Variants in PARD3B observed in about 807,000 individuals in gnomAD.
PARD3B encodes the protein partitioning defective 3 homolog B.
In PARD3B, 103 loss-of-function variants were observed where a neutral mutation model predicts 130.2. That is an observed-to-expected ratio of 0.79 (90% CI 0.67 to 0.93). The LOEUF (loss-of-function observed/expected upper bound fraction) is 0.93. PARD3B is among the 40% of genes least tolerant of loss of function. The probability of loss-of-function intolerance (pLI) is 0.00; values close to 1 mark genes in which losing one functional copy is unlikely to be tolerated. For missense variants in PARD3B, 1,609 were observed against 1,499.2 expected (o/e 1.07, Z -1.21); for synonymous variants, 583 against 553.2 (o/e 1.05, Z -0.76).
chr2:205,568,067 A>G lies in PARD3B; in HGVS notation c.3260+14664A>G, dbSNP rs2053425300. 6.6e-6 allele frequency among the ~76,000 whole-genome samples: 1 copy of G among 152,188 alleles called. No homozygotes were observed. Among genetic ancestry groups the G allele is most frequent in the South Asian group, 2.1e-4 (1 of 4,834 alleles). ...CTTCTTCCTGTCCAGTGCACTGGTA[A>G]CAGAAGCCTCAAGCCAGGCAGCACA... On this transcript the variant is annotated intron_variant, in intron 22 of 22. Transcript: ENST00000406610. This position sits in a 1 kb window ranked among gnomAD's most constrained non-coding sequence, Gnocchi z 5.3.
chr2:204,630,462 T>G (rs893901787), intron 1 of PARD3B, among the ~76,000 whole-genome samples: 1 of 152,204 alleles, frequency 6.6e-6, no homozygotes, highest in Admixed American at 6.5e-5. Flanking sequence ...AACATCTCTA[T>G]CCATCTCATC....
rs941777715 is a variant in PARD3B at position 205,041,703 on chromosome 2, A to G, written c.395-5878A>G. On this transcript the variant is annotated intron_variant, in intron 3 of 22. Coordinates refer to ENST00000406610, the MANE Select transcript of PARD3B (RefSeq NM_001302769.2). ...TTGGTGACAAGCTGGCCTTCTGGTT[A>G]TGCTCAGGAGAATCATTAACCATCT... Among the ~76,000 whole-genome samples, 13 of 152,048 alleles carry G rather than the reference A, an allele frequency of 8.5e-5. 1 individual carries two copies. The highest frequency in any genetic ancestry group is 3.1e-4 in the African/African-American group (13 of 41,390).
intron 1 of PARD3B, among the ~76,000 whole-genome samples, chr2:204,618,395 T>C (rs2034185365): frequency 6.6e-6 from 1 of 152,136 alleles, no homozygotes; most frequent in Admixed American, 6.6e-5. Context: ...TCTACATGTA[T>C]AAAATTATAT....
chr2:204,600,339 T>C (rs961196030), intron 1 of PARD3B, among the ~76,000 whole-genome samples: 2 of 151,874 alleles, frequency 1.3e-5, no homozygotes, highest in African/African-American at 2.4e-5. Context: ...CCATTTTGAG[T>C]TGATTTTTGT....
At chr2:204,615,039 T>C (rs1188665144) in intron 1 of PARD3B, among the ~76,000 whole-genome samples, 1 of 152,214 alleles carries the variant, frequency 6.6e-6, no homozygotes, top group African/African-American at 2.4e-5. Context: ...TTTTACATTT[T>C]TGCAGATCTT....
intron 7 of PARD3B, among the ~76,000 whole-genome samples, chr2:205,119,783 A>AAAATAAAT (rs912372021): frequency 2.6e-5 from 4 of 152,162 alleles, no homozygotes; most frequent in Non-Finnish European, 5.9e-5. Context: ...CTCCGTCTTC[A>AAAATAAAT]AAATAAATAA....
At chr2:204,932,023 C>G (rs1167932030) in intron 2 of PARD3B, among the ~76,000 whole-genome samples, 1 of 152,064 alleles carries the variant, frequency 6.6e-6, no homozygotes, top group Admixed American at 6.6e-5. Context: ...TTTACCATCC[C>G]TTTGTCTACA....
At chr2:205,186,535 T>A (rs2036110670) in intron 14 of PARD3B, among the ~76,000 whole-genome samples, 1 of 152,206 alleles carries the variant, frequency 6.6e-6, no homozygotes, top group Non-Finnish European at 1.5e-5. Flanking sequence ...AACTGTGTAT[T>A]TTATTCCATT....
chr2:204,745,591 T>C (rs1452703317), intron 2 of PARD3B, among the ~76,000 whole-genome samples: 1 of 151,886 alleles, frequency 6.6e-6, no homozygotes, highest in African/African-American at 2.4e-5. Flanking sequence ...TTAGTAGAGA[T>C]GAGGTTTCAC....
chr2:204,574,550 A>G (rs1476646924), intron 1 of PARD3B, among the ~76,000 whole-genome samples: 1 of 152,164 alleles, frequency 6.6e-6, no homozygotes, highest in Admixed American at 6.5e-5. Context: ...CGTGTTTGTC[A>G]TTTGTGTGGG....
rs141777494 is a variant in PARD3B, at chr2:205,241,805, A to G, written c.2141-3973A>G. On this transcript the variant is annotated intron_variant, in intron 15 of 22. Transcript: ENST00000406610. This position sits in a 1 kb window ranked among gnomAD's most constrained non-coding sequence, Gnocchi z 4.2. The stretch of plus-strand genomic sequence containing the variant: ...TGACACACCTGTCACATTTCATATC[A>G]CTACCATTCCAATCACTGTGCTAAA... 7.4e-3 allele frequency among the ~76,000 whole-genome samples: 1,122 copies of G among 152,278 alleles called. 17 individuals carry two copies. The highest frequency in any genetic ancestry group is 0.025 in the African/African-American group (1,052 of 41,564).
chr2:205,450,696 G>A (rs951698699), intron 20 of PARD3B, among the ~76,000 whole-genome samples: 4 of 151,816 alleles, frequency 2.6e-5, no homozygotes, highest in Admixed American at 6.6e-5. Flanking sequence ...GGCTGGTCTC[G>A]AACTCCTGAC....
intron 18 of PARD3B, among the ~76,000 whole-genome samples, chr2:205,333,723 A>G (rs1412761724): frequency 6.6e-6 from 1 of 152,204 alleles, no homozygotes; most frequent in African/African-American, 2.4e-5. Flanking sequence ...GAGAAGAAGA[A>G]ACCCAGATAC....
intron 2 of PARD3B, among the ~76,000 whole-genome samples, chr2:204,961,911 TA>T: frequency 6.6e-6 from 1 of 152,158 alleles, no homozygotes; most frequent in Admixed American, 6.5e-5. Context: ...GTGGCTTCAT[TA>T]AAGAATGGGA....
At chr2:204,654,427 T>C (rs2035580479) in intron 1 of PARD3B, among the ~76,000 whole-genome samples, 1 of 148,058 alleles carries the variant, frequency 6.8e-6, no homozygotes, top group African/African-American at 2.7e-5. Context: ...TTGAGTATCA[T>C]CACAGATAAC....
chr2:205,552,849 A>G (rs1463234579), intron 21 of PARD3B, among the ~76,000 whole-genome samples: 1 of 152,188 alleles, frequency 6.6e-6, no homozygotes, highest in Non-Finnish European at 1.5e-5. Context: ...TAAACTATAG[A>G]CTTTAGTTAA....
intron 1 of PARD3B, among the ~76,000 whole-genome samples, chr2:204,641,977 G>T (rs1305671364): frequency 6.6e-6 from 1 of 152,114 alleles, no homozygotes; most frequent in Non-Finnish European, 1.5e-5. Flanking sequence ...ATATTGAAAG[G>T]GAAGAAGGAA....
intron 2 of PARD3B, among the ~76,000 whole-genome samples, chr2:204,865,079 C>G (rs2045354307): frequency 6.6e-6 from 1 of 152,050 alleles, no homozygotes; most frequent in Admixed American, 6.6e-5. Flanking sequence ...GATATGATAT[C>G]ACACCACCTC....
chr2:205,368,062 G>C (rs1272660392), intron 18 of PARD3B, among the ~76,000 whole-genome samples: 1 of 152,174 alleles, frequency 6.6e-6, no homozygotes, highest in Non-Finnish European at 1.5e-5. Flanking sequence ...AGGGTGATAC[G>C]TCTGTGTGAT....
Sources: allele counts gnomAD v4.1 joint callset (sites outside exome capture counted in the v4.1 genomes callset), GRCh38; gene constraint gnomAD v4.1.1; non-coding constraint Gnocchi (gnomAD v3.1); transcripts MANE v1.5; gene names NCBI Gene and HGNC (gene_info 2026-07-23, HGNC 2026-07-21).